The following SLC14A2 variants were observed in gnomAD, a reference collection of about 807,000 sequenced individuals.
SLC14A2 encodes urea transporter 2.
SLC14A2 carries 91 observed loss-of-function variants against 104.6 expected under a neutral mutation model. The observed-to-expected ratio is 0.87, with a 90% confidence interval of 0.73 to 1.04. The LOEUF (loss-of-function observed/expected upper bound fraction) is 1.04. SLC14A2 is among the 50% of genes least tolerant of loss of function. The pLI, the probability that SLC14A2 is intolerant of heterozygous loss-of-function variation, is 0.00. For missense variants in SLC14A2, 1,189 were observed against 1,156.0 expected, an observed-to-expected ratio of 1.03 and a Z score of -0.41; for synonymous variants, 476 against 466.4, an observed-to-expected ratio of 1.02 and a Z score of -0.27.
chr18:45,300,207 C>T (rs2084954649), intron 1 of SLC14A2, among the ~76,000 whole-genome samples: 1 of 152,154 alleles, frequency 6.6e-6, no homozygotes, highest in South Asian at 2.1e-4. Flanking sequence ...AGTGTTGAGC[C>T]CTCTCTGAGG....
chr18:45,385,171 CT>C (rs2085881381), intron 1 of SLC14A2, among the ~76,000 whole-genome samples: 1 of 152,220 alleles, frequency 6.6e-6, no homozygotes, highest in Non-Finnish European at 1.5e-5. Flanking sequence ...ATTTACTGCT[CT>C]AATCACCAGC....
At chr18:45,680,063 C>T (rs546436802) in intron 19 of SLC14A2, among the ~76,000 whole-genome samples, 1 of 152,282 alleles carries the variant, frequency 6.6e-6, no homozygotes, top group East Asian at 1.9e-4. Context: ...GATAGTGAGC[C>T]TCTATGACAG....
chr18:45,414,793 T>TAA (rs2086258052), intron 1 of SLC14A2, among the ~76,000 whole-genome samples: 1 of 113,284 alleles, frequency 8.8e-6, no homozygotes, highest in African/African-American at 3.3e-5. Context: ...TATATATATA[T>TAA]ATAGAAAAGT....
intron 19 of SLC14A2, among the ~76,000 whole-genome samples, chr18:45,681,396 T>C (rs1350636065): frequency 1.3e-5 from 2 of 152,230 alleles, no homozygotes; most frequent in East Asian, 1.9e-4. Context: ...TAAGATGATG[T>C]TTTGGCAAGA....
chr18:45,239,255 T>C (rs995587865), intron 1 of SLC14A2, among the ~76,000 whole-genome samples: 3 of 152,196 alleles, frequency 2.0e-5, no homozygotes, highest in African/African-American at 7.2e-5. Context: ...CAACTCTTTC[T>C]AGGCTCCCAT....
At chr18:45,626,842 A>T (rs1599083072) in intron 3 of SLC14A2, 116 bp from the exon 4 acceptor site, 57 of 363,558 alleles carry the variant, frequency 1.6e-4, no homozygotes, top group East Asian at 3.2e-4. Context: ...GGCCTGGCTG[A>T]ATGGGAAGGG....
intron 16 of SLC14A2, among the ~76,000 whole-genome samples, chr18:45,670,939 A>G (rs1419292407): frequency 6.6e-6 from 1 of 152,210 alleles, no homozygotes; most frequent in Non-Finnish European, 1.5e-5. Flanking sequence ...CTGGGATTAC[A>G]GGCGTGGACC....
At chr18:45,421,733 G>A (rs1363041440) in intron 1 of SLC14A2, among the ~76,000 whole-genome samples, 1 of 151,956 alleles carries the variant, frequency 6.6e-6, no homozygotes, top group Non-Finnish European at 1.5e-5. Flanking sequence ...TCCTCACCAA[G>A]CATGTAGGAT....
intron 1 of SLC14A2, among the ~76,000 whole-genome samples, chr18:45,396,462 C>G (rs954818755): frequency 1.3e-5 from 2 of 152,164 alleles, no homozygotes; most frequent in Non-Finnish European, 2.9e-5. Context: ...ATTGCTCCCC[C>G]ACTTGTCAAC....
chr18:45,211,635 CCTT>C (rs920965881), upstream of SLC14A2, among the ~76,000 whole-genome samples: 22 of 152,226 alleles, frequency 1.4e-4, no homozygotes, highest in African/African-American at 4.1e-4. Context: ...GCTTTTTTCT[CCTT>C]CTTTATAGCC....
the SLC14A2 span, among the ~76,000 whole-genome samples, chr18:45,203,268 G>A: frequency 3.9e-5 from 6 of 152,136 alleles, no homozygotes; most frequent in South Asian, 6.2e-4. Context: ...CTTCAAAGTC[G>A]GCTGTCTTCT....
At chr18:45,413,912 T>C (rs1334293009) in intron 1 of SLC14A2, among the ~76,000 whole-genome samples, 1 of 152,198 alleles carries the variant, frequency 6.6e-6, no homozygotes, top group East Asian at 1.9e-4. Flanking sequence ...CAGGTAAATA[T>C]TATGTGAGTG....
chr18:45,673,010 G>T lies in SLC14A2; in HGVS notation c.2340G>T (p.Leu780Phe), dbSNP rs761260620. The change falls in exon 17 of 20, where the codon TTG (leucine) becomes TTT (phenylalanine). Residue 780 changes from leucine (L) to phenylalanine (F), a missense_variant. Physicochemically the swap from Leu to Phe is conservative, Grantham distance 22 (BLOSUM62 0). Transcript: ENST00000255226. ...ALFISSPLIC[L>F]HAAIGSTMGM... ...TCATATCCTCACCTCTCATTTGCTTGCATGCAGCAATTGGATCCACCATGG... is the reference window on the plus strand; with the variant it reads ...TCATATCCTCACCTCTCATTTGCTTTCATGCAGCAATTGGATCCACCATGG... 6.2e-7 allele frequency: 1 copy of T among 1,614,114 alleles called. No individual in the cohort carries two copies. The highest frequency in any genetic ancestry group is 1.1e-5 in the South Asian group (1 of 91,086).
chr18:45,325,823 C>T (rs1467631280), intron 1 of SLC14A2, among the ~76,000 whole-genome samples: 1 of 152,158 alleles, frequency 6.6e-6, no homozygotes, highest in Non-Finnish European at 1.5e-5. Context: ...AACCTGTGTG[C>T]CTGTGTTCCC....
chr18:45,587,268 TTTAA>T (rs1374315888), intron 2 of SLC14A2, among the ~76,000 whole-genome samples: 1 of 152,176 alleles, frequency 6.6e-6, no homozygotes, highest in Non-Finnish European at 1.5e-5. Flanking sequence ...AGCCACATTC[TTTAA>T]TTGTTAAATT....
the SLC14A2 span, among the ~76,000 whole-genome samples, chr18:45,188,139 A>G: frequency 1.3e-5 from 2 of 152,170 alleles, no homozygotes; most frequent in African/African-American, 2.4e-5. Flanking sequence ...TAAATCAGAC[A>G]TAGATATTTG....
At chr18:45,235,809 G>GTGTGTATATATATATATATATA (rs2084219862) in intron 1 of SLC14A2, among the ~76,000 whole-genome samples, 1 of 107,694 alleles carries the variant, frequency 9.3e-6, no homozygotes, top group Non-Finnish European at 1.9e-5. Flanking sequence ...GTGTGTGTGT[G>GTGTGTATATATATATATATATA]TGTGTATATA....
chr18:45,343,143 T>C (rs2085413294), intron 1 of SLC14A2, among the ~76,000 whole-genome samples: 1 of 108,760 alleles, frequency 9.2e-6, no homozygotes, highest in Non-Finnish European at 1.8e-5. Context: ...TTCTCTCTGC[T>C]TTTTTTTTTT....
chr18:45,365,396 G>A (rs2085656463), intron 1 of SLC14A2, among the ~76,000 whole-genome samples: 1 of 152,244 alleles, frequency 6.6e-6, no homozygotes, highest in African/African-American at 2.4e-5. Flanking sequence ...TGTCTTGTTA[G>A]ACAATTAATT....
Sources: gnomAD v4.1 joint callset for allele counts (sites outside exome capture counted in the v4.1 genomes callset) on GRCh38, gnomAD v4.1.1 for gene constraint, MANE v1.5 for transcripts, NCBI Gene and HGNC (gene_info 2026-07-23, HGNC 2026-07-21) for gene names.